Variants in KLHL5 observed in about 807,000 individuals in gnomAD.
KLHL5 encodes the protein kelch-like protein 5.
In KLHL5, 48 loss-of-function variants were observed where a neutral mutation model predicts 77.7. That is an observed-to-expected ratio of 0.62 (90% confidence interval 0.49 to 0.79). The LOEUF (loss-of-function observed/expected upper bound fraction) is 0.79. Ranked by LOEUF, KLHL5 falls within the 30% of genes least tolerant of loss-of-function variation. The pLI is 0.00. For missense variants in KLHL5, 723 were observed against 859.7 expected (o/e 0.84, Z 1.99); for synonymous variants, 260 against 297.0 (o/e 0.88, Z 1.28).
intron 1 of KLHL5, among the ~76,000 whole-genome samples, chr4:39,068,642 A>G (rs1463695807): frequency 6.6e-5 from 10 of 152,190 alleles, no homozygotes; most frequent in Non-Finnish European, 1.0e-4. Context: ...AAGAATTGGC[A>G]TACGAAAAGG....
rs1723335134 is a variant in KLHL5, at chr4:39,123,344, G to A, written c.*2278G>A. On this transcript the variant is annotated 3_prime_UTR_variant, in exon 11 of 11. Transcript: ENST00000504108. ...CTCTCCCAAAAAATGGAAGAGAAAG[G>A]AGCACCCTGTGACATTCTATAAGGC... Among the ~76,000 whole-genome samples the A allele has an allele frequency of 6.6e-6, 1 of 152,140 alleles. No individual in the cohort carries two copies. Among genetic ancestry groups the A allele is most frequent in the Non-Finnish European group, 1.5e-5 (1 of 68,018 alleles).
chr4:39,076,269 T>C, intron 2 of KLHL5, 122 bp downstream of exon 2: 1 of 815,758 alleles, frequency 1.2e-6, no homozygotes, highest in Non-Finnish European at 1.9e-6. Context: ...TTCATGGAAT[T>C]TCCATCAAGA....
chr4:39,141,292 T>C, the KLHL5 span, among the ~76,000 whole-genome samples: 6 of 148,976 alleles, frequency 4.0e-5, no homozygotes, highest in Non-Finnish European at 7.4e-5. Flanking sequence ...CCCGCCTTCA[T>C]TATTTTTTAG....
chr4:39,088,246 C>A (rs1038571251), intron 5 of KLHL5, among the ~76,000 whole-genome samples: 1 of 152,118 alleles, frequency 6.6e-6, no homozygotes, highest in Non-Finnish European at 1.5e-5. Context: ...TCTCATAGAC[C>A]TTTAAAATAT....
At chr4:39,051,164 TTAATC>T (rs1188249112) in intron 1 of KLHL5, among the ~76,000 whole-genome samples, 1 of 152,248 alleles carries the variant, frequency 6.6e-6, no homozygotes, top group African/African-American at 2.4e-5. Flanking sequence ...CTTCACCAAT[TTAATC>T]TAATTTTATT....
At chr4:39,051,304 C>T (rs923137941) in intron 1 of KLHL5, among the ~76,000 whole-genome samples, 2 of 151,766 alleles carry the variant, frequency 1.3e-5, no homozygotes, top group Non-Finnish European at 1.5e-5. Context: ...CATAGCTTCA[C>T]CTCATCAGTG....
intron 2 of KLHL5, among the ~76,000 whole-genome samples, chr4:39,080,745 A>T: frequency 6.6e-6 from 1 of 152,226 alleles, no homozygotes; most frequent in Non-Finnish European, 1.5e-5. Context: ...CACTACTTCT[A>T]TAATTAAATT....
chr4:39,110,868 T>G (rs188694812), intron 8 of KLHL5, among the ~76,000 whole-genome samples: 2 of 152,318 alleles, frequency 1.3e-5, no homozygotes, highest in Admixed American at 1.3e-4. Context: ...TGACATAATA[T>G]TTCTCTTTTT....
At chr4:39,101,859 A>ATATATAT (rs71304785) in intron 6 of KLHL5, among the ~76,000 whole-genome samples, 2 of 104,770 alleles carry the variant, frequency 1.9e-5, no homozygotes, top group East Asian at 6.0e-4. Flanking sequence ...AAAAAAAAAA[A>ATATATAT]ATATATATAT....
intron 4 of KLHL5, among the ~76,000 whole-genome samples, chr4:39,082,820 G>A (rs907882923): frequency 1.3e-5 from 2 of 152,090 alleles, no homozygotes; most frequent in Non-Finnish European, 2.9e-5. Flanking sequence ...AAGAAAATAA[G>A]GGCATGTTGA....
At chr4:39,058,971 G>A (rs2711948), upstream of KLHL5, among the ~76,000 whole-genome samples, 110,534 of 151,938 alleles carry the variant, frequency 0.73, 40,365 homozygotes, top group East Asian at 0.82. Context: ...GAGGGTCAGC[G>A]GGCTTGTGAA....
chr4:39,105,813 A>G (rs1721991870), intron 7 of KLHL5, among the ~76,000 whole-genome samples: 1 of 151,906 alleles, frequency 6.6e-6, no homozygotes, highest in African/African-American at 2.4e-5. Flanking sequence ...GGCACAATAT[A>G]TAACATATGA....
intron 2 of KLHL5, among the ~76,000 whole-genome samples, chr4:39,076,412 A>G (rs566565257): frequency 6.6e-6 from 1 of 151,622 alleles, no homozygotes; most frequent in South Asian, 2.1e-4. Flanking sequence ...AGCTACTATA[A>G]GAAGCTTTTA....
At chr4:39,105,444 G>C (rs1721948304) in intron 7 of KLHL5, among the ~76,000 whole-genome samples, 4 of 151,848 alleles carry the variant, frequency 2.6e-5, no homozygotes, top group Admixed American at 2.6e-4. Context: ...ACTGCACCAG[G>C]CTTAAAATTT....
rs943685669 is a variant in KLHL5, at chr4:39,113,071, A to G, written c.1740A>G (p.Glu580=). Residue 580 remains glutamate, a synonymous_variant, in exon 9 of 11, where the codon GAA becomes GAG. Transcript: ENST00000504108. ...GAAGTTCTTGTCTCAAATCAGTAGA[A>G]TGTTTTGATCCTCATACTAATAAGT... The part of the protein sequence containing the change: ...RDGSSCLKSV[E]CFDPHTNKWT... 25 of 1,613,910 alleles carry G rather than the reference A, an allele frequency of 1.5e-5. No individual in the cohort carries two copies. Among genetic ancestry groups the G allele is most frequent in the Non-Finnish European group, 2.1e-5 (25 of 1,179,970 alleles).
At chr4:39,100,876 A>G (rs2711998) in intron 6 of KLHL5, among the ~76,000 whole-genome samples, 2,059 of 152,008 alleles carry the variant, frequency 0.014, 48 homozygotes, top group African/African-American at 0.046. Context: ...CATCTTTGTA[A>G]TGAAGAGCAG....
chr4:39,136,644 G>A, the KLHL5 span, among the ~76,000 whole-genome samples: 1 of 152,206 alleles, frequency 6.6e-6, no homozygotes, highest in Non-Finnish European at 1.5e-5. Context: ...AGTAAGGACA[G>A]CGTCCACACA....
At chr4:39,054,466 T>A (rs553592312) in intron 1 of KLHL5, among the ~76,000 whole-genome samples, 8 of 152,284 alleles carry the variant, frequency 5.3e-5, no homozygotes, top group African/African-American at 1.9e-4. Flanking sequence ...GTGTAAAGTA[T>A]TTTATATATT....
At chr4:39,126,920 C>G (rs376206799), downstream of KLHL5, 3 of 362,416 alleles carry the variant, frequency 8.3e-6, no homozygotes, top group African/African-American at 6.4e-5. Flanking sequence ...ACTGGGCAAC[C>G]CTTGCTGACG....
Sources: gnomAD v4.1 joint callset for allele counts (sites outside exome capture counted in the v4.1 genomes callset) on GRCh38, gnomAD v4.1.1 for gene constraint, MANE v1.5 for transcripts, NCBI Gene and HGNC (gene_info 2026-07-23, HGNC 2026-07-21) for gene names.